Variants in AKT3 observed in about 807,000 individuals in gnomAD.
AKT3 encodes the protein AKT serine/threonine kinase 3.
In AKT3, 15 loss-of-function variants were observed where a neutral mutation model predicts 65.3. That is an observed-to-expected ratio of 0.23 (90% CI 0.15 to 0.35). The LOEUF (loss-of-function observed/expected upper bound fraction) is 0.35, where lower values mean the gene tolerates loss of function less well. AKT3 is among the 10% of genes least tolerant of loss of function. The pLI, the probability that AKT3 is intolerant of heterozygous loss-of-function variation, is 1.00. For missense variants in AKT3, 243 were observed against 576.5 expected, an observed-to-expected ratio of 0.42 and a Z score of 5.92; for synonymous variants, 206 against 183.8, an observed-to-expected ratio of 1.12 and a Z score of -0.98.
intron 4 of AKT3, among the ~76,000 whole-genome samples, chr1:243,656,191 C>G (rs1239571256): frequency 6.6e-6 from 1 of 151,942 alleles, no homozygotes; most frequent in Non-Finnish European, 1.5e-5. Context: ...CTTTTTATTC[C>G]TAAATAATGT....
At chr1:243,498,907 G>C (rs550803401), downstream of AKT3, among the ~76,000 whole-genome samples, 2 of 152,358 alleles carry the variant, frequency 1.3e-5, no homozygotes, top group African/African-American at 4.8e-5. Flanking sequence ...TAGAAACCGG[G>C]ATTTGGAAAA....
intron 2 of AKT3, among the ~76,000 whole-genome samples, chr1:243,838,153 C>T (rs1226939134): frequency 2.0e-5 from 3 of 152,076 alleles, no homozygotes; most frequent in Non-Finnish European, 2.9e-5. Context: ...TGGTTTGCTC[C>T]ATGTGGTTCT....
chr1:243,497,547 G>A (rs368543021), downstream of AKT3, among the ~76,000 whole-genome samples: 1 of 152,078 alleles, frequency 6.6e-6, no homozygotes, highest in African/African-American at 2.4e-5. Flanking sequence ...ACGGAATCAG[G>A]AGGTCACCCG....
chr1:243,687,312 T>G (rs1255977855), intron 3 of AKT3: 1 of 152,104 alleles, frequency 6.6e-6, no homozygotes, highest in African/African-American at 2.4e-5. Flanking sequence ...CTAAAATGAT[T>G]GGCTTGGGAA....
intron 2 of AKT3, among the ~76,000 whole-genome samples, chr1:243,820,910 T>C (rs1693819704): frequency 6.6e-6 from 1 of 151,944 alleles, no homozygotes; most frequent in Admixed American, 6.6e-5. Flanking sequence ...CAGACCAACA[T>C]TCAAATCCAG....
intron 2 of AKT3, among the ~76,000 whole-genome samples, chr1:243,766,845 A>G (rs543641246): frequency 1.3e-5 from 2 of 152,184 alleles, no homozygotes; most frequent in Non-Finnish European, 2.9e-5. Context: ...AGGGGACTGA[A>G]GTAGGTAGAA....
chr1:243,832,120 T>TAAA (rs869235352), intron 2 of AKT3, among the ~76,000 whole-genome samples: 6 of 44,772 alleles, frequency 1.3e-4, no homozygotes, highest in Admixed American at 7.6e-4. Flanking sequence ...TCCCTAAAAC[T>TAAA]AAAAAAAAAA....
At chr1:243,649,684 ATAGT>A (rs1267181825) in intron 4 of AKT3, among the ~76,000 whole-genome samples, 5 of 151,622 alleles carry the variant, frequency 3.3e-5, no homozygotes, top group African/African-American at 1.2e-4. Flanking sequence ...TATTCTTGTG[ATAGT>A]TGGTTGAGAA....
intron 4 of AKT3, among the ~76,000 whole-genome samples, chr1:243,653,097 C>T (rs558721816): frequency 1.3e-5 from 2 of 151,804 alleles, no homozygotes; most frequent in South Asian, 2.1e-4. Context: ...AATAGATAGA[C>T]CTCTAGCCAG....
intron 2 of AKT3, among the ~76,000 whole-genome samples, chr1:243,795,476 G>GTTTTTTTTTTTTTTTTT (rs11440720): frequency 1.8e-5 from 2 of 109,870 alleles, no homozygotes; most frequent in African/African-American, 3.6e-5. Context: ...TTTTTTTTTG[G>GTTTTTTTTTTTTTTTTT]TTTTTTTTTT....
chr1:243,589,023 C>T (rs1333072725), intron 8 of AKT3, among the ~76,000 whole-genome samples: 1 of 151,882 alleles, frequency 6.6e-6, no homozygotes, highest in Non-Finnish European at 1.5e-5. Context: ...ATATACAAAA[C>T]TCGGCTGGGC....
chr1:243,641,061 G>C (rs1370400306), intron 5 of AKT3, among the ~76,000 whole-genome samples: 2 of 151,952 alleles, frequency 1.3e-5, no homozygotes, highest in Non-Finnish European at 2.9e-5. Context: ...AACATGAAAA[G>C]GCTAGACTGG....
At chr1:243,721,210 G>A (rs1318749522) in intron 2 of AKT3, among the ~76,000 whole-genome samples, 1 of 152,046 alleles carries the variant, frequency 6.6e-6, no homozygotes, top group African/African-American at 2.4e-5. Flanking sequence ...ATTCTGTCTA[G>A]AAATTCTCTG....
intron 8 of AKT3, 73 bp downstream of exon 8, chr1:243,613,598 T>A: frequency 8.3e-7 from 1 of 1,209,974 alleles, no homozygotes; most frequent in Non-Finnish European, 1.2e-6. Context: ...ATATTGTAAC[T>A]TGTATTTTAA....
chr1:243,738,437 G>T (rs771340860), intron 2 of AKT3, among the ~76,000 whole-genome samples: 2 of 152,176 alleles, frequency 1.3e-5, no homozygotes, highest in East Asian at 3.8e-4. Context: ...AGTATTAAAC[G>T]TTTAACATTC....
intron 2 of AKT3, among the ~76,000 whole-genome samples, chr1:243,799,204 G>A (rs148019864): frequency 7.2e-5 from 11 of 152,280 alleles, no homozygotes; most frequent in African/African-American, 2.4e-4. Context: ...AAAGAAAATG[G>A]GGAGGGAATG....
intron 2 of AKT3, chr1:243,739,451 T>C (rs1241849906): frequency 6.6e-6 from 1 of 152,214 alleles, no homozygotes; most frequent in Non-Finnish European, 1.5e-5. Context: ...ACATATTGTT[T>C]AAAATTTTAA....
intron 8 of AKT3, among the ~76,000 whole-genome samples, chr1:243,586,012 A>G (rs1266492518): frequency 6.6e-6 from 1 of 152,186 alleles, no homozygotes; most frequent in African/African-American, 2.4e-5. Flanking sequence ...AGTGTATAAG[A>G]AAGTTAAACA....
chr1:243,750,526 G>A (rs1460700064), intron 2 of AKT3, among the ~76,000 whole-genome samples: 2 of 151,246 alleles, frequency 1.3e-5, no homozygotes, highest in Admixed American at 1.3e-4. Flanking sequence ...TTTTAAATCT[G>A]AATATACTAC....
Sources: gnomAD v4.1 joint callset for allele counts (sites outside exome capture counted in the v4.1 genomes callset) on GRCh38, gnomAD v4.1.1 for gene constraint, MANE v1.5 for transcripts, NCBI Gene and HGNC (gene_info 2026-07-23, HGNC 2026-07-21) for gene names.